The following RHOBTB2 variants were observed in gnomAD, a reference collection of about 807,000 sequenced individuals.
RHOBTB2 encodes the protein rho-related BTB domain-containing protein 2.
In RHOBTB2, 39 loss-of-function variants were observed where a neutral mutation model predicts 66.5. The observed-to-expected ratio is 0.59, with a 90% CI of 0.45 to 0.77. The LOEUF is 0.77. Among genes scored for constraint, RHOBTB2 ranks in the 30% least tolerant of loss-of-function variants. The pLI is 0.00. For missense variants in RHOBTB2, 755 were observed against 999.1 expected (o/e 0.76, Z 3.29); for synonymous variants, 390 against 395.0 (o/e 0.99, Z 0.15).
At chr8:22,996,460 G>A (rs1383202547), upstream of RHOBTB2, among the ~76,000 whole-genome samples, 1 of 150,808 alleles carries the variant, frequency 6.6e-6, no homozygotes. Flanking sequence ...AATCACACCA[G>A]TGTTTCCAAG....
At chr8:22,961,769 T>C in the RHOBTB2 span, among the ~76,000 whole-genome samples, 1 of 152,194 alleles carries the variant, frequency 6.6e-6, no homozygotes, top group Non-Finnish European at 1.5e-5. Context: ...AGTTATTTAC[T>C]GCACTGACGT....
the RHOBTB2 span, among the ~76,000 whole-genome samples, chr8:22,958,400 G>A: frequency 6.6e-6 from 1 of 152,188 alleles, no homozygotes; most frequent in African/African-American, 2.4e-5. Context: ...GGGGCATAGT[G>A]TGGGGTAAGG....
At chr8:22,962,248 A>T in the RHOBTB2 span, among the ~76,000 whole-genome samples, 17 of 84,024 alleles carry the variant, frequency 2.0e-4, no homozygotes, top group Non-Finnish European at 2.2e-5. Flanking sequence ...AAAGAGATAA[A>T]TTAAAATGAA....
upstream of RHOBTB2, among the ~76,000 whole-genome samples, chr8:22,982,981 AAGCCCTCATGACCCG>A (rs1378839098): frequency 6.6e-6 from 1 of 152,176 alleles, no homozygotes; most frequent in South Asian, 2.1e-4. Flanking sequence ...CCTGACGGTG[AAGCCCTCATGACCCG>A]ATGACCTGCC....
intron 6 of RHOBTB2, among the ~76,000 whole-genome samples, chr8:23,009,280 G>A (rs1266854007): frequency 6.6e-6 from 1 of 152,064 alleles, no homozygotes; most frequent in Admixed American, 6.5e-5. Context: ...TAGCTCTCAC[G>A]ATGCCACCAC....
upstream of RHOBTB2, among the ~76,000 whole-genome samples, chr8:22,986,040 G>A (rs902849410): frequency 1.3e-5 from 2 of 152,156 alleles, no homozygotes; most frequent in Non-Finnish European, 1.5e-5. Context: ...GATGGGAAAA[G>A]TAGTTGCCTT....
At position 23,014,625 on chromosome 8, in the gene RHOBTB2, T is replaced by C; in HGVS notation, c.1772-65T>C. The stretch of plus-strand genomic sequence containing the variant: ...TCACCCTGAAGTGAGCTGGGGGATG[T>C]GGTGGGGCAGGGTGAGCACAGGTCA... On this transcript the variant is annotated intron_variant, in intron 7 of 9. Transcript: ENST00000251822. The C allele has an allele frequency of 4.2e-6, 6 of 1,414,908 alleles. No individual in the cohort carries two copies. In the South Asian group the frequency reaches 4.7e-5, roughly 11 times the overall value. 87.6% of individuals were successfully genotyped at this position (1,414,908 alleles called of 1,614,324 possible).
At position 23,017,138 on chromosome 8, in the gene RHOBTB2, TG is replaced by T; in HGVS notation, c.1967-109del. ...TGTGCCGTGGGTCATGGGGATGTGC[TG>T]GGGGCTGGGCTGGAGGCCTGCTGCA... On this transcript the variant is annotated intron_variant, in intron 9 of 9. Coordinates refer to ENST00000251822, the MANE Select transcript of RHOBTB2 (RefSeq NM_015178.3). The surrounding 1 kb of genome is among the most constrained non-coding windows in gnomAD (Gnocchi z 5.3). The T allele has an allele frequency of 7.3e-7, 1 of 1,368,966 alleles. No individual in the cohort carries two copies. The highest frequency in any genetic ancestry group is 1.0e-6 in the Non-Finnish European group (1 of 982,276). 84.8% of individuals were successfully genotyped at this position (1,368,966 alleles called of 1,614,324 possible). A position where few individuals can be genotyped will look rare whatever the true frequency, so the allele number is the denominator to read the frequency against.
upstream of RHOBTB2, among the ~76,000 whole-genome samples, chr8:22,983,594 G>A (rs1054825663): frequency 2.0e-5 from 3 of 152,088 alleles, no homozygotes; most frequent in African/African-American, 7.2e-5. Context: ...TTTGGTGATG[G>A]TTATCATAAC....
intron 5 of RHOBTB2, 109 bp from the exon 6 acceptor site, chr8:23,007,884 G>T: frequency 6.7e-7 from 1 of 1,487,234 alleles, no homozygotes; most frequent in East Asian, 2.3e-5. Flanking sequence ...GAGCGGGTTT[G>T]TTCCGTGCCC....
intron 6 of RHOBTB2, among the ~76,000 whole-genome samples, chr8:23,008,982 G>A (rs577804764): frequency 6.6e-6 from 1 of 152,036 alleles, no homozygotes; most frequent in African/African-American, 2.4e-5. Flanking sequence ...CCCTGAGGGA[G>A]GCAGTCCCTA....
intron 8 of RHOBTB2, 151 bp downstream of exon 8, chr8:23,014,929 C>T: frequency 1.5e-6 from 1 of 673,692 alleles, no homozygotes; most frequent in Non-Finnish European, 2.6e-6. Flanking sequence ...ATCTCCTCCT[C>T]CATGCCAGGA....
upstream of RHOBTB2, chr8:22,994,563 G>A (rs1487272329): frequency 6.5e-7 from 1 of 1,549,884 alleles, no homozygotes; most frequent in East Asian, 2.4e-5. Flanking sequence ...ACAACCAGGA[G>A]CCTGGAGGGA....
chr8:22,980,276 T>G, the RHOBTB2 span, among the ~76,000 whole-genome samples: 1 of 152,214 alleles, frequency 6.6e-6, no homozygotes, highest in Non-Finnish European at 1.5e-5. Flanking sequence ...TTTGCTAATT[T>G]ACACTCCTAC....
intron 2 of RHOBTB2, among the ~76,000 whole-genome samples, chr8:22,993,319 C>G (rs891918208): frequency 6.6e-6 from 1 of 152,122 alleles, no homozygotes; most frequent in South Asian, 2.1e-4. Context: ...ACCACTGCAT[C>G]CGGTTCTACA....
At position 23,007,751 on chromosome 8, in the gene RHOBTB2, G is replaced by C; in HGVS notation, c.1501+5G>C. 1 of 1,611,654 alleles carries C rather than the reference G, an allele frequency of 6.2e-7. No individual in the cohort carries two copies. The highest frequency in any genetic ancestry group is 8.5e-7 in the Non-Finnish European group (1 of 1,178,324). On this transcript the variant is annotated splice_donor_5th_base_variant and intron_variant, in intron 5 of 9. Coordinates refer to ENST00000251822, the MANE Select transcript of RHOBTB2 (RefSeq NM_015178.3). ...TGGCAAAAGGCACCTTCTCAGGTAT[G>C]GAACAGGCTTGGAAAGCAAGGGGGT...
Position 23,006,205 on chromosome 8 carries a change from C to G in RHOBTB2, c.482+60C>G. ...ATGGGTGCCTCACCATGGCTCCCTG[C>G]TCAGCCCTGGGGGAATTCCACTGAG... is the stretch of plus-strand genomic sequence containing the variant. On this transcript the variant is annotated intron_variant, in intron 4 of 9. Transcript: ENST00000251822. The surrounding 1 kb of genome is among the most constrained non-coding windows in gnomAD (Gnocchi z 6.1). The G allele has an allele frequency of 6.9e-7, 1 of 1,453,702 alleles. No individual in the cohort carries two copies. Among genetic ancestry groups the G allele is most frequent in the Non-Finnish European group, 9.5e-7 (1 of 1,057,086 alleles). 90.1% of individuals were successfully genotyped at this position (1,453,702 alleles called of 1,614,324 possible). A position where few individuals can be genotyped will look rare whatever the true frequency, so the allele number is the denominator to read the frequency against.
rs533916996 is a variant in RHOBTB2, at chr8:22,990,333, G to T, written c.-136-1735G>T. ...GCCCAGAAGGGCTGCTGGTGCACCCGTGCCACCTTCGCCCTCCACACCCCC... is the reference window on the plus strand; with the variant it reads ...GCCCAGAAGGGCTGCTGGTGCACCCTTGCCACCTTCGCCCTCCACACCCCC... On this transcript the variant is annotated intron_variant, in intron 1 of 11. Coordinates refer to the RHOBTB2 transcript ENST00000519685. Among the ~76,000 whole-genome samples, 27 of 152,284 alleles carry T rather than the reference G, an allele frequency of 1.8e-4. No homozygotes were observed. The South Asian group carries it at 5.2e-3, about 29-fold the overall frequency.
chr8:23,006,066 G>C lies in RHOBTB2; in HGVS notation c.403G>C (p.Val135Leu). The change falls in exon 4 of 10, where the codon GTC (valine) becomes CTC (leucine). Residue 135 changes from valine to leucine, a missense_variant. Physicochemically the swap from Val to Leu is conservative, Grantham distance 32. Around this residue, in one of 7 missense-constraint regions of RHOBTB2, gnomAD observed 33 missense variants for 36.0 expected, o/e 0.92. Coordinates refer to ENST00000251822, the MANE Select transcript of RHOBTB2 (RefSeq NM_015178.3). The surrounding 1 kb of genome is among the most constrained non-coding windows in gnomAD (Gnocchi z 6.1). ...EIKHFCPRAP[V>L]ILVGCQLDLR... ...CAAGCACTTCTGCCCCCGAGCACCT[G>C]TCATCTTGGTGGGCTGCCAGTTGGA... The C allele has an allele frequency of 6.2e-7, 1 of 1,614,108 alleles. No homozygotes were observed. Among genetic ancestry groups the C allele is most frequent in the African/African-American group, 1.3e-5 (1 of 75,022 alleles).
Sources: allele counts gnomAD v4.1 joint callset (sites outside exome capture counted in the v4.1 genomes callset), GRCh38; gene constraint gnomAD v4.1.1; regional missense constraint gnomAD v4.1.1; non-coding constraint Gnocchi (gnomAD v3.1); transcripts MANE v1.5; gene names NCBI Gene and HGNC (gene_info 2026-07-23, HGNC 2026-07-21).